Variants in ZNF469 observed in about 807,000 individuals in gnomAD.
ZNF469 encodes zinc finger protein 469.
Under a neutral mutation model 1.0 loss-of-function variants are expected in ZNF469, and 1 was observed. The observed-to-expected ratio is 1.00, with a 90% CI of 0.35 to 4.73. ZNF469 has a LOEUF of 4.73. Among genes scored for constraint, ZNF469 ranks in the 30% most tolerant of loss-of-function variants. ZNF469 has a pLI of 0.16. For missense variants in ZNF469, 6,100 were observed against 5,356.3 expected (o/e 1.14, Z -4.33); for synonymous variants, 2,703 against 2,363.4 (o/e 1.14, Z -4.17).
At chr16:88,255,551 C>T in the ZNF469 span, among the ~76,000 whole-genome samples, 2 of 152,242 alleles carry the variant, frequency 1.3e-5, no homozygotes, top group Non-Finnish European at 2.9e-5. Context: ...TTATCAACAT[C>T]CCTCACTAGA....
At chr16:88,379,168 T>C (rs1599338964), upstream of ZNF469, among the ~76,000 whole-genome samples, 1 of 152,130 alleles carries the variant, frequency 6.6e-6, no homozygotes, top group Non-Finnish European at 1.5e-5. Context: ...GACCGTCTAC[T>C]GGGACCCAGG....
At chr16:88,356,344 C>G in the ZNF469 span, among the ~76,000 whole-genome samples, 1 of 152,158 alleles carries the variant, frequency 6.6e-6, no homozygotes, top group African/African-American at 2.4e-5. Context: ...GAAGCCCTAG[C>G]GGGCTTCTTG....
chr16:88,162,013 C>G, the ZNF469 span, among the ~76,000 whole-genome samples: 22 of 152,262 alleles, frequency 1.4e-4, no homozygotes, highest in South Asian at 2.5e-3. Flanking sequence ...ATAGAGACAA[C>G]TTTTTGGAAG....
the ZNF469 span, among the ~76,000 whole-genome samples, chr16:88,175,451 A>G: frequency 6.6e-6 from 1 of 152,336 alleles, no homozygotes; most frequent in South Asian, 2.1e-4. Flanking sequence ...TGAAATAGAT[A>G]CCACTAAATT....
the ZNF469 span, among the ~76,000 whole-genome samples, chr16:88,136,305 A>C: frequency 1.3e-5 from 2 of 152,252 alleles, no homozygotes; most frequent in Admixed American, 1.3e-4. Context: ...CTACAGGCAC[A>C]GATGTCCTTC....
the ZNF469 span, among the ~76,000 whole-genome samples, chr16:88,196,697 A>T: frequency 6.6e-6 from 1 of 152,234 alleles, no homozygotes; most frequent in Non-Finnish European, 1.5e-5. Flanking sequence ...TTGTCTTGGT[A>T]GCCCTTTAGT....
chr16:88,145,095 C>T, the ZNF469 span, among the ~76,000 whole-genome samples: 1 of 151,964 alleles, frequency 6.6e-6, no homozygotes, highest in African/African-American at 2.4e-5. Context: ...AGTGATCCGC[C>T]CACCTCAGCT....
the ZNF469 span, among the ~76,000 whole-genome samples, chr16:88,258,813 C>T: frequency 9.8e-5 from 15 of 152,320 alleles, no homozygotes; most frequent in African/African-American, 3.6e-4. Flanking sequence ...AACAGCATCC[C>T]TCACAGTAAT....
chr16:88,156,223 G>A, the ZNF469 span, among the ~76,000 whole-genome samples: 1 of 152,072 alleles, frequency 6.6e-6, no homozygotes, highest in Non-Finnish European at 1.5e-5. Flanking sequence ...GATATCTTTT[G>A]CACAGAAGTT....
chr16:88,320,673 C>T, the ZNF469 span, among the ~76,000 whole-genome samples: 1 of 152,208 alleles, frequency 6.6e-6, no homozygotes, highest in Admixed American at 6.5e-5. Context: ...TGTGAGCCAC[C>T]ATGCCCAGCC....
chr16:88,255,634 T>C, the ZNF469 span, among the ~76,000 whole-genome samples: 1 of 152,144 alleles, frequency 6.6e-6, no homozygotes, highest in Non-Finnish European at 1.5e-5. Flanking sequence ...GTTTACGTTG[T>C]AAGAGTTAAA....
chr16:88,353,530 G>A, the ZNF469 span, among the ~76,000 whole-genome samples: 1 of 152,220 alleles, frequency 6.6e-6, no homozygotes, highest in African/African-American at 2.4e-5. Context: ...CCCTCCGCCA[G>A]CCTCTCGCGG....
At chr16:88,219,916 C>A in the ZNF469 span, among the ~76,000 whole-genome samples, 2 of 152,166 alleles carry the variant, frequency 1.3e-5, no homozygotes, top group Non-Finnish European at 2.9e-5. Flanking sequence ...CCACAACTGG[C>A]AGATGCCCCT....
chr16:88,218,022 C>CA, the ZNF469 span, among the ~76,000 whole-genome samples: 1 of 131,632 alleles, frequency 7.6e-6, no homozygotes, highest in Non-Finnish European at 1.6e-5. Flanking sequence ...GCCACACTGA[C>CA]TTCCACAATG....
the ZNF469 span, among the ~76,000 whole-genome samples, chr16:88,201,800 G>A: frequency 6.6e-6 from 1 of 152,224 alleles, no homozygotes; most frequent in African/African-American, 2.4e-5. The surrounding 1 kb of genome is among the most constrained non-coding windows in gnomAD (Gnocchi z 5.0). Context: ...ACTGAGGCTG[G>A]GAAGGACCAG....
chr16:88,422,773 TGGA>T (rs1905525224), intron 1 of ZNF469, among the ~76,000 whole-genome samples: 1 of 129,386 alleles, frequency 7.7e-6, no homozygotes, highest in African/African-American at 3.0e-5. Context: ...GATGGATGGA[TGGA>T]TGGTTGGATG....
chr16:88,366,041 C>T, the ZNF469 span, among the ~76,000 whole-genome samples: 1 of 151,996 alleles, frequency 6.6e-6, no homozygotes, highest in East Asian at 1.9e-4. Flanking sequence ...GTTTACAAGC[C>T]CTGGTATAAA....
the ZNF469 span, among the ~76,000 whole-genome samples, chr16:88,165,564 G>A: frequency 8.5e-5 from 13 of 152,158 alleles, no homozygotes; most frequent in Non-Finnish European, 1.2e-4. Context: ...GGGACTGCTC[G>A]GCCCTCTCTG....
chr16:88,436,388 A>C lies in ZNF469; in HGVS notation c.8918A>C (p.Lys2973Thr), dbSNP rs1906574768. 10 of 1,550,040 alleles carry C rather than the reference A, an allele frequency of 6.5e-6. No homozygotes were observed. The highest frequency in any genetic ancestry group is 8.7e-6 in the Non-Finnish European group (10 of 1,146,926). The change falls in exon 3 of 3, where the codon AAG becomes ACG. Residue 2973 changes from lysine (K) to threonine (T), a missense_variant. By Grantham distance (78) the Lys-to-Thr change is moderately conservative. Transcript: ENST00000565624. Reference sequence around the variant, plus strand: ...CCCAGCAGGGAAGCTGGTGCAGAGAAGCTGCCCTCCCACTGCCCCGAGGAC... The same window carrying C: ...CCCAGCAGGGAAGCTGGTGCAGAGACGCTGCCCTCCCACTGCCCCGAGGAC... The part of the protein sequence containing the change: ...LEPSREAGAE[K>T]LPSHCPEDDR...
Sources: gnomAD v4.1 joint callset for allele counts (sites outside exome capture counted in the v4.1 genomes callset) on GRCh38, gnomAD v4.1.1 for gene constraint, Gnocchi (gnomAD v3.1) non-coding constraint, MANE v1.5 for transcripts, NCBI Gene and HGNC (gene_info 2026-07-23, HGNC 2026-07-21) for gene names.